The following ZMYND11 variants were observed in gnomAD, a reference collection of about 807,000 sequenced individuals.
The protein encoded by ZMYND11 is zinc finger MYND domain-containing protein 11.
In ZMYND11, 9 loss-of-function variants were observed where a neutral mutation model predicts 84.9. That is an observed-to-expected ratio of 0.11 (90% confidence interval 0.06 to 0.18). ZMYND11 has a LOEUF of 0.18. Among genes scored for constraint, ZMYND11 ranks in the 10% least tolerant of loss-of-function variants. The probability of loss-of-function intolerance (pLI) is 1.00; values close to 1 mark genes in which losing one functional copy is unlikely to be tolerated. For missense variants in ZMYND11, 409 were observed against 761.0 expected, an observed-to-expected ratio of 0.54 and a Z score of 5.44; for synonymous variants, 250 against 244.1, an observed-to-expected ratio of 1.02 and a Z score of -0.23.
At chr10:231,954 G>T (rs75929376) in intron 4 of ZMYND11, among the ~76,000 whole-genome samples, 2 of 152,146 alleles carry the variant, frequency 1.3e-5, no homozygotes, top group African/African-American at 4.8e-5. Flanking sequence ...TATGCCACCA[G>T]GTGATACGAA....
At chr10:135,127 C>A (rs2131008014), upstream of ZMYND11, 1 of 150,460 alleles carries the variant, frequency 6.6e-6, no homozygotes, top group East Asian at 2.0e-4. This position sits in a 1 kb window ranked among gnomAD's most constrained non-coding sequence, Gnocchi z 5.6. Context: ...GGGGACCCAA[C>A]TTTCCCGGGC....
chr10:244,071 A>G (rs114265549), intron 10 of ZMYND11, among the ~76,000 whole-genome samples: 3,592 of 152,290 alleles, frequency 0.024, 145 homozygotes, highest in African/African-American at 0.082. Context: ...GAGGTTGACA[A>G]ACTCACTGTG....
At chr10:207,140 C>T (rs1588948219) in intron 2 of ZMYND11, among the ~76,000 whole-genome samples, 1 of 152,176 alleles carries the variant, frequency 6.6e-6, no homozygotes, top group Non-Finnish European at 1.5e-5. Flanking sequence ...TTTCCAATTT[C>T]ATCCATGTCC....
intron 11 of ZMYND11, 105 bp from the exon 12 acceptor site, chr10:247,293 G>A: frequency 7.9e-7 from 1 of 1,266,594 alleles, no homozygotes; most frequent in Non-Finnish European, 1.1e-6. Flanking sequence ...GATGCAAAAG[G>A]TAGAAATGTA....
At chr10:197,135 A>G (rs1184925697) in intron 2 of ZMYND11, among the ~76,000 whole-genome samples, 3 of 150,900 alleles carry the variant, frequency 2.0e-5, no homozygotes, top group Non-Finnish European at 1.5e-5. Context: ...CCACGTGCAC[A>G]TTGTATTCAT....
rs185198207 is a variant in ZMYND11 at position 251,913 on chromosome 10, C to T, written c.1687-435C>T. Among the ~76,000 whole-genome samples, 310 of 152,150 alleles carry T rather than the reference C, an allele frequency of 2.0e-3. 1 individual carries two copies. The highest frequency in any genetic ancestry group is 7.2e-3 in the African/African-American group (298 of 41,484). ...TTGAAGTTGTAAGTGACCCTGCTAGCAGCATATTAGTGGCATGGTATGAGT... is the reference window on the plus strand; with the variant it reads ...TTGAAGTTGTAAGTGACCCTGCTAGTAGCATATTAGTGGCATGGTATGAGT... On this transcript the variant is annotated intron_variant, in intron 14 of 14. Coordinates refer to ENST00000381604, the MANE Select transcript of ZMYND11 (RefSeq NM_001370100.5).
intron 4 of ZMYND11, among the ~76,000 whole-genome samples, chr10:230,348 C>T (rs955604633): frequency 6.6e-6 from 1 of 151,812 alleles, no homozygotes; most frequent in Admixed American, 6.6e-5. Flanking sequence ...TGGTGCGTGC[C>T]TGTAGTCCCA....
rs1261991794 is a variant in ZMYND11, at chr10:247,292, G to T, written c.1159-106G>T. On this transcript the variant is annotated intron_variant, in intron 11 of 14. Coordinates refer to ENST00000381604, the MANE Select transcript of ZMYND11 (RefSeq NM_001370100.5). ...ACTGAGTGGATGGAAGGATGCAAAA[G>T]GTAGAAATGTATTCACTTCTCACCT... The T allele has an allele frequency of 3.1e-6, 4 of 1,271,582 alleles. No individual in the cohort carries two copies. In the African/African-American group the frequency reaches 6.0e-5, roughly 19 times the overall value. 78.8% of individuals were successfully genotyped at this position (1,271,582 alleles called of 1,614,324 possible). A position where few individuals can be genotyped will look rare whatever the true frequency, so the allele number is the denominator to read the frequency against.
At chr10:202,911 A>G (rs1426278804) in intron 2 of ZMYND11, among the ~76,000 whole-genome samples, 2 of 152,144 alleles carry the variant, frequency 1.3e-5, no homozygotes, top group Non-Finnish European at 2.9e-5. Context: ...AAGAAAACCC[A>G]TTGTGTGGTG....
chr10:235,896 ATTCAC>A (rs1240059003), intron 4 of ZMYND11, among the ~76,000 whole-genome samples: 8 of 152,238 alleles, frequency 5.3e-5, no homozygotes, highest in African/African-American at 1.9e-4. Flanking sequence ...CGTATAATCA[ATTCAC>A]TTAAGCCCTA....
chr10:189,831 A>G (rs1001235622), intron 2 of ZMYND11, among the ~76,000 whole-genome samples: 2 of 152,228 alleles, frequency 1.3e-5, no homozygotes, highest in African/African-American at 2.4e-5. Context: ...TTACAACACT[A>G]TAGACCTTAT....
chr10:206,199 A>G (rs528811427), intron 2 of ZMYND11, among the ~76,000 whole-genome samples: 23 of 152,164 alleles, frequency 1.5e-4, no homozygotes, highest in African/African-American at 5.3e-4. Flanking sequence ...ATCTCTACTA[A>G]AAATACAAAA....
intron 2 of ZMYND11, among the ~76,000 whole-genome samples, chr10:180,468 C>T (rs1431598361): frequency 1.3e-5 from 2 of 152,194 alleles, no homozygotes; most frequent in Non-Finnish European, 2.9e-5. Flanking sequence ...GACCCGATCT[C>T]AGCTCATGGC....
intron 3 of ZMYND11, among the ~76,000 whole-genome samples, chr10:212,817 C>G (rs879896355): frequency 6.6e-6 from 1 of 152,146 alleles, no homozygotes. Context: ...AAATTCTACT[C>G]AGGGTCTTTT....
At chr10:197,740 T>TGTA (rs1194560816) in intron 2 of ZMYND11, among the ~76,000 whole-genome samples, 2 of 152,274 alleles carry the variant, frequency 1.3e-5, no homozygotes, top group Non-Finnish European at 2.9e-5. Context: ...GGTGGCAGAG[T>TGTA]GTAGTCCTAT....
chr10:140,569 C>T (rs554918947), intron 1 of ZMYND11, among the ~76,000 whole-genome samples: 1 of 152,232 alleles, frequency 6.6e-6, no homozygotes, highest in Non-Finnish European at 1.5e-5. Context: ...ATATTTAACT[C>T]AATTCAAAAA....
intron 2 of ZMYND11, among the ~76,000 whole-genome samples, chr10:201,700 C>T (rs1396938030): frequency 1.3e-5 from 2 of 151,562 alleles, no homozygotes; most frequent in East Asian, 1.9e-4. Context: ...GAGTACTCAG[C>T]GTCCCATGGA....
rs548047216 is a variant in ZMYND11, at chr10:187,550, G to A, written c.116+7422G>A. Among the ~76,000 whole-genome samples the A allele has an allele frequency of 7.0e-4, 107 of 152,072 alleles. 3 individuals carry two copies. In the Middle Eastern group the frequency reaches 0.014, roughly 19 times the overall value. On this transcript the variant is annotated intron_variant, in intron 2 of 14. Transcript: ENST00000381604. ...TCGGGAGGCTGAGGCAGGAGAATGG[G>A]GTGAACCCGGGAGGCGGAGCTTGCA...
chr10:210,631 G>A (rs1035686268), intron 3 of ZMYND11, among the ~76,000 whole-genome samples: 5 of 152,114 alleles, frequency 3.3e-5, no homozygotes, highest in Admixed American at 3.3e-4. Context: ...TTTTTACCTA[G>A]TTCTCACTTT....
Sources: gnomAD v4.1 joint callset for allele counts (sites outside exome capture counted in the v4.1 genomes callset) on GRCh38, gnomAD v4.1.1 for gene constraint, Gnocchi (gnomAD v3.1) non-coding constraint, MANE v1.5 for transcripts, NCBI Gene and HGNC (gene_info 2026-07-23, HGNC 2026-07-21) for gene names.